ROBO1: variants seen among roughly 807,000 people sequenced by gnomAD.
ROBO1 encodes roundabout homolog 1.
In ROBO1, 149 loss-of-function variants were observed where a neutral mutation model predicts 195.9. The observed-to-expected ratio is 0.76, with a 90% CI of 0.67 to 0.87. The LOEUF (loss-of-function observed/expected upper bound fraction) is 0.87. ROBO1 is among the 40% of genes least tolerant of loss of function. ROBO1 has a pLI of 0.00. For synonymous variants in ROBO1, 816 were observed against 733.2 expected, an observed-to-expected ratio of 1.11 and a Z score of -1.82; for missense variants, 1,933 against 2,068.3, an observed-to-expected ratio of 0.93 and a Z score of 1.27.
chr3:78,845,486 T>C (rs983917011), intron 4 of ROBO1, among the ~76,000 whole-genome samples: 4 of 152,276 alleles, frequency 2.6e-5, no homozygotes, highest in African/African-American at 9.6e-5. Context: ...GTATACACTT[T>C]AGTGTGTGAT....
chr3:78,755,410 G>A (rs2082904323), intron 4 of ROBO1, among the ~76,000 whole-genome samples: 2 of 152,048 alleles, frequency 1.3e-5, no homozygotes, highest in Admixed American at 1.3e-4. Context: ...GGAGATTGAG[G>A]CCACTTTGAG....
chr3:79,573,798 A>G lies in ROBO1; in HGVS notation c.88+16026T>C, dbSNP rs138242515. Reference sequence around the variant, plus strand: ...TAACTCTTCAGTAAATACTTGCCAAAATGTCTCCTTTGATCAATCAAAAAC... The same window carrying G: ...TAACTCTTCAGTAAATACTTGCCAAGATGTCTCCTTTGATCAATCAAAAAC... On this transcript the variant is annotated intron_variant, in intron 2 of 30. Coordinates refer to ENST00000464233, the MANE Select transcript of ROBO1 (RefSeq NM_002941.4). 3.3e-4 allele frequency among the ~76,000 whole-genome samples: 50 copies of G among 152,288 alleles called. No individual in the cohort carries two copies. In the East Asian group the frequency reaches 9.5e-3, roughly 29 times the overall value.
At chr3:78,919,696 T>G (rs1268032727) in intron 4 of ROBO1, among the ~76,000 whole-genome samples, 1 of 152,198 alleles carries the variant, frequency 6.6e-6, no homozygotes, top group African/African-American at 2.4e-5. Context: ...CTACTTTGTC[T>G]TTACATCACA....
intron 2 of ROBO1, among the ~76,000 whole-genome samples, chr3:79,242,634 T>C (rs1168949683): frequency 6.6e-6 from 1 of 152,174 alleles, no homozygotes; most frequent in Non-Finnish European, 1.5e-5. Context: ...GCTGCATCAC[T>C]TATTACATTC....
chr3:79,604,004 A>G (rs915929725), intron 1 of ROBO1, among the ~76,000 whole-genome samples: 11 of 152,192 alleles, frequency 7.2e-5, no homozygotes, highest in Admixed American at 2.6e-4. Flanking sequence ...AGTGATACAC[A>G]ACAGGTACTC....
At chr3:78,954,601 A>T (rs965638965) in intron 3 of ROBO1, among the ~76,000 whole-genome samples, 1 of 152,114 alleles carries the variant, frequency 6.6e-6, no homozygotes, top group African/African-American at 2.4e-5. Flanking sequence ...TTCAATCATG[A>T]AAAACAGCAT....
intron 2 of ROBO1, among the ~76,000 whole-genome samples, chr3:79,294,562 C>T (rs1162664020): frequency 6.6e-6 from 1 of 152,046 alleles, no homozygotes; most frequent in African/African-American, 2.4e-5. Context: ...GACTAAAAGA[C>T]CAAAAGCAAT....
intron 10 of ROBO1, among the ~76,000 whole-genome samples, chr3:78,682,252 A>C (rs377604672): frequency 2.9e-4 from 44 of 152,112 alleles, no homozygotes; most frequent in African/African-American, 1.0e-3. Flanking sequence ...AAGAAATAAA[A>C]TGTATAAATA....
chr3:78,597,590 T>C lies in ROBO1; in HGVS notation c.*1323A>G, dbSNP rs1702902651. On this transcript the variant is annotated 3_prime_UTR_variant, in exon 31 of 31. Transcript: ENST00000464233. ...TATAAAATCAATGATATTCATAAAATGACAAAAAAGGATCATAGAAATCTA... is the reference window on the plus strand; with the variant it reads ...TATAAAATCAATGATATTCATAAAACGACAAAAAAGGATCATAGAAATCTA... The C allele has an allele frequency of 6.6e-6, 1 of 152,222 alleles. No homozygotes were observed. The highest frequency in any genetic ancestry group is 2.4e-5 in the African/African-American group (1 of 41,402). The allele number at this position is 152,222 out of a possible 1,614,324, so 9.4% of individuals were successfully genotyped here.
At chr3:79,482,117 A>G (rs1207300080) in intron 2 of ROBO1, among the ~76,000 whole-genome samples, 1 of 152,188 alleles carries the variant, frequency 6.6e-6, no homozygotes, top group Non-Finnish European at 1.5e-5. Context: ...TTGTAAGGAC[A>G]CTGCCAAAAA....
intron 2 of ROBO1, among the ~76,000 whole-genome samples, chr3:79,223,216 G>A: frequency 6.6e-6 from 1 of 152,104 alleles, no homozygotes; most frequent in East Asian, 1.9e-4. Context: ...GACACGAAAG[G>A]AACAGTGAAT....
intron 4 of ROBO1, chr3:78,759,513 A>G (rs1266534546): frequency 6.6e-6 from 1 of 152,214 alleles, no homozygotes; most frequent in Non-Finnish European, 1.5e-5. Flanking sequence ...AAGTGCATCC[A>G]ATAAGCTATA....
At chr3:79,334,090 G>A (rs1029513410) in intron 2 of ROBO1, among the ~76,000 whole-genome samples, 4 of 151,888 alleles carry the variant, frequency 2.6e-5, no homozygotes, top group African/African-American at 9.7e-5. Context: ...TGGATCACCT[G>A]AGGTTAGGAG....
At chr3:78,861,843 T>C (rs1237263885) in intron 4 of ROBO1, among the ~76,000 whole-genome samples, 1 of 152,144 alleles carries the variant, frequency 6.6e-6, no homozygotes, top group East Asian at 1.9e-4. Flanking sequence ...TTCTTAAGCA[T>C]CCTATGATAT....
At chr3:79,438,722 G>T (rs75677521) in intron 2 of ROBO1, among the ~76,000 whole-genome samples, 2,079 of 152,086 alleles carry the variant, frequency 0.014, 45 homozygotes, top group African/African-American at 0.047. Context: ...CACACTATGT[G>T]AAAAGAATCC....
chr3:79,697,571 T>C (rs1036068079), intron 1 of ROBO1, among the ~76,000 whole-genome samples: 3 of 151,190 alleles, frequency 2.0e-5, no homozygotes, highest in Admixed American at 1.3e-4. Context: ...AAGGAACAAA[T>C]ACATAAAAAG....
intron 3 of ROBO1, among the ~76,000 whole-genome samples, chr3:79,042,666 C>T (rs1175994274): frequency 6.6e-6 from 1 of 152,050 alleles, no homozygotes; most frequent in East Asian, 1.9e-4. Context: ...CAAATTGAAA[C>T]TTTCTATAAG....
At chr3:78,981,413 G>T (rs2076987470) in intron 3 of ROBO1, among the ~76,000 whole-genome samples, 1 of 152,088 alleles carries the variant, frequency 6.6e-6, no homozygotes, top group Admixed American at 6.6e-5. Context: ...GGAAGCAGTA[G>T]CACTTATGTC....
At chr3:79,182,812 G>C (rs184371897) in intron 2 of ROBO1, among the ~76,000 whole-genome samples, 4 of 152,240 alleles carry the variant, frequency 2.6e-5, no homozygotes, top group Non-Finnish European at 4.4e-5. Context: ...GGGTGTAGTG[G>C]CTCATGCCTG....
Sources: gnomAD v4.1 joint callset for allele counts (sites outside exome capture counted in the v4.1 genomes callset) on GRCh38, gnomAD v4.1.1 for gene constraint, MANE v1.5 for transcripts, NCBI Gene and HGNC (gene_info 2026-07-23, HGNC 2026-07-21) for gene names.